Variants in UGT1A8 observed in about 807,000 individuals in gnomAD.
UGT1A8 encodes the protein UDP-glucuronosyltransferase 1A8.
Under a neutral mutation model 45.3 loss-of-function variants are expected in UGT1A8, and 39 were observed. That is an observed-to-expected ratio of 0.86 (90% CI 0.67 to 1.12). The LOEUF (loss-of-function observed/expected upper bound fraction) is 1.12. UGT1A8 is among the 50% of genes most tolerant of loss of function. UGT1A8 has a pLI of 0.00. For synonymous variants in UGT1A8, 275 were observed against 249.2 expected (o/e 1.10, Z -0.97); for missense variants, 719 against 664.9 (o/e 1.08, Z -0.90).
chr2:233,673,198 C>T (rs1158331466), intron 1 of UGT1A8, among the ~76,000 whole-genome samples: 1 of 152,126 alleles, frequency 6.6e-6, no homozygotes. Flanking sequence ...TAAATTCTCA[C>T]ACCTATTTTG....
intron 1 of UGT1A8, chr2:233,718,641 G>A: frequency 6.8e-7 from 1 of 1,475,748 alleles, no homozygotes; most frequent in Non-Finnish European, 9.1e-7. Context: ...CCAGGGTTGG[G>A]CCCATAACGA....
intron 1 of UGT1A8, chr2:233,747,716 T>C: frequency 6.2e-7 from 1 of 1,613,280 alleles, no homozygotes; most frequent in Non-Finnish European, 8.5e-7. Context: ...TATCAATTCC[T>C]GCTGTGTTTT....
In UGT1A8 at chr2:233,719,687, G is replaced by A. The variant is rs769294499; in HGVS notation, c.856-47347G>A. On this transcript the variant is annotated intron_variant, in intron 1 of 4. Coordinates refer to ENST00000373450, the MANE Select transcript of UGT1A8 (RefSeq NM_019076.5). ...GTGCCAACGGGAAGCCACTATCTCA[G>A]GTCTGTATTGGTGCCTTCATCCAAT... 1.5e-5 allele frequency: 25 copies of A among 1,613,862 alleles called. No homozygotes were observed. The African/African-American group carries it at 2.7e-4, about 17-fold the overall frequency.
chr2:233,657,108 C>T (rs1260460402), intron 1 of UGT1A8, among the ~76,000 whole-genome samples: 1 of 152,134 alleles, frequency 6.6e-6, no homozygotes, highest in African/African-American at 2.4e-5. Context: ...CACAATACAC[C>T]GTCTCTTTGG....
At chr2:233,704,053 G>A (rs2075765647) in intron 1 of UGT1A8, among the ~76,000 whole-genome samples, 2 of 151,842 alleles carry the variant, frequency 1.3e-5, no homozygotes, top group Admixed American at 6.6e-5. Flanking sequence ...AACATGCCTG[G>A]CTAATTTTTG....
At chr2:233,641,135 C>T (rs775677272) in intron 1 of UGT1A8, among the ~76,000 whole-genome samples, 1 of 152,180 alleles carries the variant, frequency 6.6e-6, no homozygotes, top group Non-Finnish European at 1.5e-5. Context: ...AAGCCTTTGT[C>T]TCCTTGCAGC....
At chr2:233,724,256 C>T (rs2077196929) in intron 1 of UGT1A8, among the ~76,000 whole-genome samples, 1 of 131,772 alleles carries the variant, frequency 7.6e-6, no homozygotes, top group African/African-American at 2.9e-5. Flanking sequence ...CGCCCCTCAC[C>T]TCCCGGACGG....
At chr2:233,721,607 A>C (rs1233448854) in intron 1 of UGT1A8, 2 of 179,574 alleles carry the variant, frequency 1.1e-5, no homozygotes, top group Non-Finnish European at 1.2e-5. Flanking sequence ...GTTTAGGAAC[A>C]ATTTGTTCCT....
intron 1 of UGT1A8, among the ~76,000 whole-genome samples, chr2:233,661,212 T>C (rs1248587156): frequency 6.6e-6 from 1 of 152,022 alleles, no homozygotes; most frequent in Non-Finnish European, 1.5e-5. Flanking sequence ...GTCTGGTCTA[T>C]TTTCCTACCT....
intron 1 of UGT1A8, chr2:233,743,191 C>T (rs1334858681): frequency 2.7e-6 from 1 of 376,140 alleles, no homozygotes; most frequent in East Asian, 7.3e-5. Flanking sequence ...ACTGGAATTA[C>T]TTGGTGTCAA....
At chr2:233,691,541 C>T in intron 1 of UGT1A8, 1 of 985,666 alleles carries the variant, frequency 1.0e-6, no homozygotes, top group Non-Finnish European at 1.2e-6. Flanking sequence ...CTGGGCAAGT[C>T]TGTTCTAGTA....
chr2:233,709,425 C>A (rs1055346708), intron 1 of UGT1A8, among the ~76,000 whole-genome samples: 1 of 152,240 alleles, frequency 6.6e-6, no homozygotes, highest in South Asian at 2.1e-4. Flanking sequence ...AGAATGTCCT[C>A]CAGAAAGGAT....
At chr2:233,653,659 C>T (rs1235277279) in intron 1 of UGT1A8, among the ~76,000 whole-genome samples, 2 of 152,094 alleles carry the variant, frequency 1.3e-5, no homozygotes, top group Non-Finnish European at 1.5e-5. Context: ...TGCAGTGGTG[C>T]GATCTCAGCT....
chr2:233,636,932 TA>T, intron 1 of UGT1A8: 1 of 1,614,214 alleles, frequency 6.2e-7, no homozygotes, highest in Non-Finnish European at 8.5e-7. Flanking sequence ...GTAGAATACT[TA>T]AAGGAGAGTT....
intron 1 of UGT1A8, among the ~76,000 whole-genome samples, chr2:233,619,619 G>T (rs2072964649): frequency 6.6e-6 from 1 of 151,998 alleles, no homozygotes; most frequent in Non-Finnish European, 1.5e-5. Context: ...ATTTATGTTT[G>T]TTATTAACAT....
At position 233,767,074 on chromosome 2, in the gene UGT1A8, T is replaced by C. The variant is rs747099261; in HGVS notation, c.896T>C (p.Ile299Thr). Residue 299 changes from isoleucine to threonine, a missense_variant, in exon 2 of 5, where the codon ATT becomes ACT. Transcript: ENST00000373450. The part of the protein sequence containing the change: ...AYINASGEHG[I>T]VVFSLGSMVS... ...ATTAATGCTTCTGGAGAACATGGAA[T>C]TGTGGTTTTCTCTTTGGGATCAATG... is the stretch of plus-strand genomic sequence containing the variant. 2.5e-6 allele frequency: 4 copies of C among 1,614,130 alleles called. No individual in the cohort carries two copies. The highest frequency in any genetic ancestry group is 1.1e-5 in the South Asian group (1 of 91,076).
chr2:233,733,823 A>G (rs1027211154), intron 1 of UGT1A8, among the ~76,000 whole-genome samples: 1 of 152,166 alleles, frequency 6.6e-6, no homozygotes. Context: ...GCCTCATAAA[A>G]TGAGTTAGGG....
At chr2:233,692,820 C>G in intron 1 of UGT1A8, 1 of 1,432,178 alleles carries the variant, frequency 7.0e-7, no homozygotes, top group East Asian at 2.5e-5. Context: ...TTCATATTAA[C>G]CATGTGATTA....
rs142919887 is a variant in UGT1A8, at chr2:233,693,235, C to A, written c.856-73799C>A. The A allele has an allele frequency of 1.4e-4, 230 of 1,614,162 alleles. 1 individual carries two copies. The African/African-American group carries it at 2.3e-3, about 16-fold the overall frequency. ...AATCCAAATACTACACAAGAAAAAT[C>A]TATCCAGTGCCGTATGACCAAGAAG... On this transcript the variant is annotated intron_variant, in intron 1 of 4. Transcript: ENST00000373450.
Sources: gnomAD v4.1 joint callset for allele counts (sites outside exome capture counted in the v4.1 genomes callset) on GRCh38, gnomAD v4.1.1 for gene constraint, MANE v1.5 for transcripts, NCBI Gene and HGNC (gene_info 2026-07-23, HGNC 2026-07-21) for gene names.